The following FNBP1L variants were observed in gnomAD, a reference collection of about 807,000 sequenced individuals.
The protein encoded by FNBP1L is formin binding protein 1 like.
In FNBP1L, 36 loss-of-function variants were observed where a neutral mutation model predicts 91.2. The ratio of observed to expected loss-of-function variants is 0.39; its 90% CI spans 0.30 to 0.52. The LOEUF is 0.52. Among genes scored for constraint, FNBP1L ranks in the 20% least tolerant of loss-of-function variants. The pLI is 0.66. For missense variants in FNBP1L, 571 were observed against 732.1 expected, an observed-to-expected ratio of 0.78 and a Z score of 2.54; for synonymous variants, 242 against 237.0, an observed-to-expected ratio of 1.02 and a Z score of -0.19.
At chr1:93,486,118 A>C (rs1259808306) in intron 1 of FNBP1L, among the ~76,000 whole-genome samples, 1 of 152,244 alleles carries the variant, frequency 6.6e-6, no homozygotes, top group Non-Finnish European at 1.5e-5. Context: ...GTTAGATGGC[A>C]GATGCAAAGA....
intron 1 of FNBP1L, among the ~76,000 whole-genome samples, chr1:93,488,783 A>C (rs1669999906): frequency 6.6e-6 from 1 of 152,208 alleles, no homozygotes. Flanking sequence ...CCAGGTAAGC[A>C]GAAGTATTAG....
intron 1 of FNBP1L, among the ~76,000 whole-genome samples, chr1:93,453,530 G>A (rs1668563526): frequency 6.6e-6 from 1 of 152,248 alleles, no homozygotes; most frequent in East Asian, 1.9e-4. Context: ...CTAGTTTGTA[G>A]AGAGGAAATA....
At chr1:93,502,280 T>C (rs1670461883) in intron 2 of FNBP1L, among the ~76,000 whole-genome samples, 1 of 152,218 alleles carries the variant, frequency 6.6e-6, no homozygotes, top group Admixed American at 6.5e-5. Flanking sequence ...TCATACACTT[T>C]TGAATTGTAG....
chr1:93,531,048 T>G (rs991431970), intron 7 of FNBP1L, among the ~76,000 whole-genome samples, 165 bp downstream of exon 7: 2 of 152,214 alleles, frequency 1.3e-5, no homozygotes, highest in Non-Finnish European at 2.9e-5. Context: ...TTTCTAACTT[T>G]TAAGTCACAC....
intron 1 of FNBP1L, among the ~76,000 whole-genome samples, chr1:93,480,328 C>T (rs547724114): frequency 7.4e-4 from 113 of 152,326 alleles, no homozygotes; most frequent in African/African-American, 2.6e-3. Context: ...ATGCTGTTGT[C>T]TTTTTCTTGC....
intron 2 of FNBP1L, among the ~76,000 whole-genome samples, chr1:93,511,981 A>G (rs1331750196): frequency 3.3e-5 from 5 of 150,958 alleles, no homozygotes; most frequent in Non-Finnish European, 7.4e-5. Context: ...AAAAAAAAAA[A>G]AAAAAAAGAG....
intron 1 of FNBP1L, among the ~76,000 whole-genome samples, chr1:93,460,772 G>A (rs895762360): frequency 6.6e-6 from 1 of 152,220 alleles, no homozygotes; most frequent in South Asian, 2.1e-4. Context: ...ACCAGAGGCT[G>A]GGTGTGGGGA....
chr1:93,467,890 A>G (rs537715341), intron 1 of FNBP1L, among the ~76,000 whole-genome samples: 1 of 152,144 alleles, frequency 6.6e-6, no homozygotes, highest in East Asian at 1.9e-4. Flanking sequence ...CCTGGGCAAC[A>G]GAGTGAGACC....
In FNBP1L at chr1:93,551,034, G is replaced by A. The variant is rs753782332; in HGVS notation, c.1739G>A (p.Arg580Gln). 1.7e-5 allele frequency: 28 copies of A among 1,612,616 alleles called. No homozygotes were observed. Among genetic ancestry groups the A allele is most frequent in the Non-Finnish European group, 2.4e-5 (28 of 1,179,226 alleles). ...AAAGGTGACGGATGGACAAGAGCTCGGAGACAGAACGGTGAAGAAGGCTAC... is the reference window on the plus strand; with the variant it reads ...AAAGGTGACGGATGGACAAGAGCTCAGAGACAGAACGGTGAAGAAGGCTAC... ...EDKGDGWTRA[R>Q]RQNGEEGYVP... Residue 580 changes from arginine to glutamine, a missense_variant, in exon 16 of 17, where the codon CGG becomes CAG. Around this residue, in one of 5 missense-constraint regions of FNBP1L, gnomAD observed 189 missense variants for 219.7 expected, o/e 0.86. Coordinates refer to ENST00000271234, the MANE Select transcript of FNBP1L (RefSeq NM_001164473.3).
At chr1:93,456,290 A>T (rs909133963) in intron 1 of FNBP1L, among the ~76,000 whole-genome samples, 1 of 152,242 alleles carries the variant, frequency 6.6e-6, no homozygotes, top group Non-Finnish European at 1.5e-5. Context: ...TAAATAACTA[A>T]TCAGCAGACT....
At position 93,551,087 on chromosome 1, in the gene FNBP1L, C is replaced by T. The variant is rs772904506; in HGVS notation, c.1792C>T (p.Leu598=). The T allele has an allele frequency of 1.2e-6, 2 of 1,608,212 alleles. No homozygotes were observed. The highest frequency in any genetic ancestry group is 2.7e-5 in the African/African-American group (2 of 74,644). The change falls in exon 16 of 17, where the codon CTA becomes TTA. Residue 598 remains leucine (L), a synonymous_variant. Transcript: ENST00000271234. ...TCCCACGTCATACATAGATGTAACT[C>T]TAGAGAAAAACAGTAAAGGTGCAGT... ...YVPTSYIDVT[L]EKNSKGS is the part of the protein sequence containing the mutation.
At chr1:93,547,523 T>C in intron 14 of FNBP1L, 82 bp downstream of exon 14, 1 of 1,203,264 alleles carries the variant, frequency 8.3e-7, no homozygotes, top group Non-Finnish European at 1.2e-6. Context: ...AATTCGTTTT[T>C]TTCTTCCAAA....
chr1:93,539,497 A>G (rs1671954731), intron 10 of FNBP1L, among the ~76,000 whole-genome samples: 1 of 152,044 alleles, frequency 6.6e-6, no homozygotes, highest in Non-Finnish European at 1.5e-5. Flanking sequence ...ATTTAGTAAG[A>G]CTAGATTAAC....
At chr1:93,543,955 C>G in intron 11 of FNBP1L, 152 bp from the exon 12 acceptor site, 3 of 487,652 alleles carry the variant, frequency 6.2e-6, no homozygotes, top group Non-Finnish European at 1.1e-5. Flanking sequence ...ACACACACAT[C>G]TGTGTAGATT....
At chr1:93,507,251 TTG>T (rs2101732745) in intron 2 of FNBP1L, among the ~76,000 whole-genome samples, 1 of 150,670 alleles carries the variant, frequency 6.6e-6, no homozygotes, top group Non-Finnish European at 1.5e-5. Flanking sequence ...GTATAAAACT[TTG>T]TGTTTCAGTT....
chr1:93,532,525 TAAA>T (rs34093849), intron 7 of FNBP1L, among the ~76,000 whole-genome samples: 2 of 134,750 alleles, frequency 1.5e-5, no homozygotes, highest in African/African-American at 2.7e-5. Flanking sequence ...CCAGTTGCTT[TAAA>T]AAAAAAAAAA....
At chr1:93,508,909 T>C (rs1670721379) in intron 2 of FNBP1L, among the ~76,000 whole-genome samples, 1 of 152,216 alleles carries the variant, frequency 6.6e-6, no homozygotes, top group African/African-American at 2.4e-5. Context: ...TCTGTGTTGG[T>C]TTAATTTCCC....
chr1:93,504,332 C>T (rs1342690146), intron 2 of FNBP1L, among the ~76,000 whole-genome samples: 1 of 152,008 alleles, frequency 6.6e-6, no homozygotes, highest in East Asian at 1.9e-4. Context: ...AAGAACAGTC[C>T]TAAATATTTC....
At position 93,499,556 on chromosome 1, in the gene FNBP1L, T is replaced by C. The variant is rs1397725232; in HGVS notation, c.113T>C (p.Ile38Thr). ...AAATTTGTTAAAGAGAGGATAGAAATTGAACAGAACTATGCGAAACAATTG... is the reference window on the plus strand; with the variant it reads ...AAATTTGTTAAAGAGAGGATAGAAACTGAACAGAACTATGCGAAACAATTG... ...YAKFVKERIE[I>T]EQNYAKQLRN... The change falls in exon 2 of 17, where the codon ATT (isoleucine) becomes ACT (threonine). Residue 38 changes from isoleucine (I) to threonine (T), a missense_variant. Ile to Thr is a moderately conservative substitution (Grantham distance 89, BLOSUM62 -1). Transcript: ENST00000271234. 6.3e-7 allele frequency: 1 copy of C among 1,599,170 alleles called. No homozygotes were observed. The highest frequency in any genetic ancestry group is 1.7e-5 in the Admixed American group (1 of 57,164).
Sources: gnomAD v4.1 joint callset for allele counts (sites outside exome capture counted in the v4.1 genomes callset) on GRCh38, gnomAD v4.1.1 for gene constraint, gnomAD v4.1.1 regional missense constraint, MANE v1.5 for transcripts, NCBI Gene and HGNC (gene_info 2026-07-23, HGNC 2026-07-21) for gene names.